POLQ: variants seen among roughly 807,000 people sequenced by gnomAD.
POLQ encodes epididymis secretory sperm binding protein.
Under a neutral mutation model 259.2 loss-of-function variants are expected in POLQ, and 233 were observed. The ratio of observed to expected loss-of-function variants is 0.90; its 90% confidence interval spans 0.81 to 1.00. The LOEUF (loss-of-function observed/expected upper bound fraction) is 1.00, where lower values mean the gene tolerates loss of function less well. Among genes scored for constraint, POLQ ranks in the 50% least tolerant of loss-of-function variants. The pLI, the probability that POLQ is intolerant of heterozygous loss-of-function variation, is 0.00. For missense variants in POLQ, 2,871 were observed against 3,051.6 expected (o/e 0.94, Z 1.39); for synonymous variants, 1,025 against 1,048.8 (o/e 0.98, Z 0.44).
intron 16 of POLQ, among the ~76,000 whole-genome samples, chr3:121,485,412 C>G (rs1295147390): frequency 6.6e-6 from 1 of 152,094 alleles, no homozygotes. Context: ...TAAAATAAAT[C>G]TATAATGATT....
chr3:121,529,822 GT>G, intron 6 of POLQ, 30 bp from the exon 7 acceptor site: 1 of 1,554,752 alleles, frequency 6.4e-7, no homozygotes, highest in Non-Finnish European at 8.7e-7. Flanking sequence ...AACCACTTTA[GT>G]GGTCCTTTCA....
chr3:121,524,507 C>A (rs1331890824), intron 7 of POLQ, among the ~76,000 whole-genome samples: 1 of 151,878 alleles, frequency 6.6e-6, no homozygotes, highest in Admixed American at 6.6e-5. Flanking sequence ...ATGATTATAG[C>A]CATTAGTATA....
chr3:121,464,910 T>C lies in POLQ; in HGVS notation c.6967+2609A>G, dbSNP rs138657356. On this transcript the variant is annotated intron_variant, in intron 24 of 29. Coordinates refer to ENST00000264233, the MANE Select transcript of POLQ (RefSeq NM_199420.4). ...ACTTAACTTGTAATAATGAGTAACA[T>C]AAGAATTAGTAAATTTACTTAACTT... is the stretch of plus-strand genomic sequence containing the variant. Among the ~76,000 whole-genome samples the C allele has an allele frequency of 2.9e-3, 435 of 152,278 alleles. 2 individuals are homozygous for C. Among genetic ancestry groups the C allele is most frequent in the Non-Finnish European group, 1.2e-3 (85 of 68,012 alleles).
chr3:121,524,155 G>T (rs1010022996), intron 7 of POLQ, among the ~76,000 whole-genome samples: 1 of 152,160 alleles, frequency 6.6e-6, no homozygotes, highest in African/African-American at 2.4e-5. Flanking sequence ...AAATGATGAT[G>T]ATTCTGGTTA....
At chr3:121,545,666 C>G in intron 1 of POLQ, 49 bp downstream of exon 1, 1 of 1,500,586 alleles carries the variant, frequency 6.7e-7, no homozygotes, top group Non-Finnish European at 8.9e-7. Flanking sequence ...GACCCATGGC[C>G]CGGCGGAGCT....
intron 5 of POLQ, among the ~76,000 whole-genome samples, chr3:121,536,049 G>C (rs2048448460): frequency 6.6e-6 from 1 of 152,148 alleles, no homozygotes; most frequent in Non-Finnish European, 1.5e-5. Context: ...GGATAAATTA[G>C]CAGTAAGTAT....
At chr3:121,442,226 T>G (rs1302541525) in intron 26 of POLQ, among the ~76,000 whole-genome samples, 1 of 152,234 alleles carries the variant, frequency 6.6e-6, no homozygotes, top group African/African-American at 2.4e-5. Flanking sequence ...GATACAGGCA[T>G]GCAATGCATA....
chr3:121,531,284 T>G (rs2048410412), intron 6 of POLQ, among the ~76,000 whole-genome samples: 1 of 152,138 alleles, frequency 6.6e-6, no homozygotes, highest in Non-Finnish European at 1.5e-5. Context: ...TTAGACAAGT[T>G]GGCCAGGGAA....
intron 2 of POLQ, among the ~76,000 whole-genome samples, chr3:121,544,239 G>GCTA: frequency 6.6e-6 from 1 of 152,162 alleles, no homozygotes; most frequent in African/African-American, 2.4e-5. Context: ...TGTAATTCCA[G>GCTA]CTACTTGGGA....
At chr3:121,475,602 T>C (rs1279821866) in intron 20 of POLQ, among the ~76,000 whole-genome samples, 1 of 152,162 alleles carries the variant, frequency 6.6e-6, no homozygotes, top group African/African-American at 2.4e-5. Context: ...AAGTTATATA[T>C]TTAGAAGTTC....
At chr3:121,469,780 A>C (rs1005847945) in intron 22 of POLQ, among the ~76,000 whole-genome samples, 3 of 152,234 alleles carry the variant, frequency 2.0e-5, no homozygotes, top group Admixed American at 2.0e-4. Flanking sequence ...GATATGAAGT[A>C]TATTCATGAA....
chr3:121,544,319 C>T (rs931831436), intron 2 of POLQ, among the ~76,000 whole-genome samples: 2 of 151,992 alleles, frequency 1.3e-5, no homozygotes, highest in African/African-American at 4.8e-5. Flanking sequence ...CGCCACTGCA[C>T]TCCAGCCTGG....
rs766157092 is a variant in POLQ, at chr3:121,489,698, C to G, written c.3233G>C (p.Cys1078Ser). ...QGQTLSNPSL[C>S]EDPFTLDEKK... ...CTCATCTAAGGTAAACGGGTCTTCA[C>G]AAAGACTAGGATTAGACAGAGTCTG... Residue 1078 changes from cysteine (C) to serine (S), a missense_variant, in exon 16 of 30, where the codon TGT becomes TCT. By Grantham distance (112) the Cys-to-Ser change is moderately radical. Transcript: ENST00000264233. 6.2e-7 allele frequency: 1 copy of G among 1,613,588 alleles called. No homozygotes were observed. Among genetic ancestry groups the G allele is most frequent in the South Asian group, 1.1e-5 (1 of 90,978 alleles).
chr3:121,504,823 G>A (rs2048197056), intron 12 of POLQ, among the ~76,000 whole-genome samples: 1 of 152,110 alleles, frequency 6.6e-6, no homozygotes, highest in Non-Finnish European at 1.5e-5. Flanking sequence ...GAAAGCACTA[G>A]CCTTCTCTCA....
chr3:121,468,263 T>C, intron 23 of POLQ, 42 bp downstream of exon 23: 1 of 1,525,156 alleles, frequency 6.6e-7, no homozygotes, highest in Non-Finnish European at 8.9e-7. Context: ...CATTCATACT[T>C]ACAAAAGTTT....
chr3:121,440,946 T>C (rs905354689), intron 26 of POLQ, among the ~76,000 whole-genome samples: 9 of 152,114 alleles, frequency 5.9e-5, no homozygotes, highest in African/African-American at 1.9e-4. Flanking sequence ...AAAAAAACTA[T>C]GTGTAGTGTA....
At chr3:121,442,777 T>C (rs1015234560) in intron 26 of POLQ, among the ~76,000 whole-genome samples, 6 of 152,230 alleles carry the variant, frequency 3.9e-5, no homozygotes, top group African/African-American at 1.4e-4. Flanking sequence ...ATCTTTTCAG[T>C]ACACAGATTT....
intron 7 of POLQ, among the ~76,000 whole-genome samples, chr3:121,524,895 C>T (rs2048361453): frequency 6.6e-6 from 1 of 151,424 alleles, no homozygotes; most frequent in Admixed American, 6.6e-5. Flanking sequence ...TTTTAAAATA[C>T]ATTTGTATAT....
rs918032574 is a variant in POLQ at position 121,523,706 on chromosome 3, C to T, written c.1109-1557G>A. 2.0e-5 allele frequency among the ~76,000 whole-genome samples: 3 copies of T among 151,872 alleles called. No individual in the cohort carries two copies. The East Asian group carries it at 5.8e-4, about 29-fold the overall frequency. ...TTCCATCCTGGACAACAGAGCAAGA[C>T]CCTGTCTCAAAACAAAAATAAAAAC... On this transcript the variant is annotated intron_variant, in intron 7 of 29. Transcript: ENST00000264233.
Sources: gnomAD v4.1 joint callset for allele counts (sites outside exome capture counted in the v4.1 genomes callset) on GRCh38, gnomAD v4.1.1 for gene constraint, MANE v1.5 for transcripts, NCBI Gene and HGNC (gene_info 2026-07-23, HGNC 2026-07-21) for gene names.